Variants in YIPF4 observed in about 807,000 individuals in gnomAD.
YIPF4 encodes the protein protein YIPF4.
A neutral mutation model predicts 29.4 loss-of-function variants in YIPF4; 18 were observed. The observed-to-expected ratio is 0.61, with a 90% CI of 0.42 to 0.91. The LOEUF is 0.91. Ranked by LOEUF, YIPF4 falls within the 40% of genes least tolerant of loss-of-function variation. YIPF4 has a pLI of 0.00. For missense variants in YIPF4, 279 were observed against 282.7 expected, an observed-to-expected ratio of 0.99 and a Z score of 0.09; for synonymous variants, 115 against 104.7, an observed-to-expected ratio of 1.10 and a Z score of -0.60.
At chr2:32,286,163 T>G (rs2030660868) in intron 1 of YIPF4, among the ~76,000 whole-genome samples, 1 of 152,192 alleles carries the variant, frequency 6.6e-6, no homozygotes, top group African/African-American at 2.4e-5. Context: ...CATAGAACTA[T>G]AAACACATAT....
rs2031577945 is a variant in YIPF4, at chr2:32,306,236, CTTG to C, written c.*613_*615del. On this transcript the variant is annotated 3_prime_UTR_variant, in exon 6 of 6. Transcript: ENST00000238831. ...AATCTCACACATGCTTCGATACTTC[CTTG>C]TTAAGAATTCTTAATAACTACTAAA... 5.4e-6 allele frequency: 5 copies of C among 924,804 alleles called. No individual in the cohort carries two copies. Among genetic ancestry groups the C allele is most frequent in the Non-Finnish European group, 6.5e-6 (5 of 774,740 alleles). 57.3% of individuals were successfully genotyped at this position (924,804 alleles called of 1,614,324 possible).
chr2:32,284,331 C>G (rs2030561557), intron 1 of YIPF4, among the ~76,000 whole-genome samples: 1 of 152,042 alleles, frequency 6.6e-6, no homozygotes, highest in African/African-American at 2.4e-5. Flanking sequence ...GGAAAATTTG[C>G]TTAAGCGAGT....
intron 3 of YIPF4, among the ~76,000 whole-genome samples, chr2:32,296,833 G>A (rs2031205996): frequency 6.6e-6 from 1 of 152,088 alleles, no homozygotes. Context: ...ACTAATTTTA[G>A]CATCCATTGG....
Position 32,309,770 on chromosome 2 carries a change from CCT to C in YIPF4, c.*4147_*4148del, listed in dbSNP as rs1372810407. 1 of 148,980 alleles carries C rather than the reference CCT, an allele frequency of 6.7e-6. No homozygotes were observed. The highest frequency in any genetic ancestry group is 1.5e-5 in the Non-Finnish European group (1 of 67,730). 9.2% of individuals were successfully genotyped at this position (148,980 alleles called of 1,614,324 possible). A position where few individuals can be genotyped will look rare whatever the true frequency, so the allele number is the denominator to read the frequency against. On this transcript the variant is annotated 3_prime_UTR_variant, in exon 6 of 6. Coordinates refer to ENST00000238831, the MANE Select transcript of YIPF4 (RefSeq NM_032312.4). ...GTGGCGCAATCTCAGCTCACTGCAA[CCT>C]CTGATTCCTGGGTTCAAGCAATTCT...
chr2:32,310,817 A>C lies in YIPF4; in HGVS notation c.*5191A>C, dbSNP rs1454103002. On this transcript the variant is annotated 3_prime_UTR_variant, in exon 6 of 6. Coordinates refer to ENST00000238831, the MANE Select transcript of YIPF4 (RefSeq NM_032312.4). Reference sequence around the variant, plus strand: ...CTTGAGCCTGGGAGGTTGAGGCTGCAGTGAGCCGCGATCACACCACTGCAT... The same window carrying C: ...CTTGAGCCTGGGAGGTTGAGGCTGCCGTGAGCCGCGATCACACCACTGCAT... The C allele has an allele frequency of 1.3e-5, 2 of 152,142 alleles. No individual in the cohort carries two copies. The highest frequency in any genetic ancestry group is 2.4e-5 in the African/African-American group (1 of 41,428). 9.4% of individuals were successfully genotyped at this position (152,142 alleles called of 1,614,324 possible). A position where few individuals can be genotyped will look rare whatever the true frequency, so the allele number is the denominator to read the frequency against.
intron 1 of YIPF4, among the ~76,000 whole-genome samples, chr2:32,288,508 G>C (rs72798728): frequency 0.059 from 9,039 of 152,064 alleles, 436 homozygotes; most frequent in Admixed American, 0.14. Context: ...TCTTCTTCTT[G>C]TTAAGAAAAA....
intron 1 of YIPF4, among the ~76,000 whole-genome samples, chr2:32,281,146 A>G (rs1393589293): frequency 6.6e-6 from 1 of 152,186 alleles, no homozygotes; most frequent in Non-Finnish European, 1.5e-5. Flanking sequence ...CTGTATATCC[A>G]CGGAGCTATA....
chr2:32,286,690 C>A (rs909867697), intron 1 of YIPF4, among the ~76,000 whole-genome samples: 42 of 151,942 alleles, frequency 2.8e-4, no homozygotes, highest in Middle Eastern at 3.2e-3. Context: ...GGACTACAGG[C>A]GCACGCCACC....
rs1436377676 is a variant in YIPF4 at position 32,306,008 on chromosome 2, A to C, written c.*382A>C. 1 of 981,314 alleles carries C rather than the reference A, an allele frequency of 1.0e-6. No individual in the cohort carries two copies. Among genetic ancestry groups the C allele is most frequent in the African/African-American group, 1.8e-5 (1 of 57,034 alleles). The allele number at this position is 981,314 out of a possible 1,614,324, so 60.8% of individuals were successfully genotyped here. A position where few individuals can be genotyped will look rare whatever the true frequency, so the allele number is the denominator to read the frequency against. On this transcript the variant is annotated 3_prime_UTR_variant, in exon 6 of 6. Transcript: ENST00000238831. ...AATCAAAAGTGCAATTTTTTTCTTC[A>C]AAATGTTTTCTCCAGCATCACAGAT...
intron 5 of YIPF4, among the ~76,000 whole-genome samples, chr2:32,305,194 AC>A (rs2031532389): frequency 6.6e-6 from 1 of 152,186 alleles, no homozygotes; most frequent in African/African-American, 2.4e-5. Flanking sequence ...AGAAAAAGAA[AC>A]AATAAGTTAT....
chr2:32,291,459 G>T (rs1035633376), intron 2 of YIPF4, among the ~76,000 whole-genome samples: 1 of 152,162 alleles, frequency 6.6e-6, no homozygotes, highest in Non-Finnish European at 1.5e-5. Flanking sequence ...CATGAGAATC[G>T]CTTGAACCCA....
intron 3 of YIPF4, among the ~76,000 whole-genome samples, chr2:32,294,941 C>T (rs1039397969): frequency 6.6e-6 from 1 of 152,074 alleles, no homozygotes; most frequent in African/African-American, 2.4e-5. Context: ...GCGGCGTGCG[C>T]CTGCAATGGC....
Position 32,307,411 on chromosome 2 carries a change from G to C in YIPF4, c.*1785G>C, listed in dbSNP as rs1192804371. 2 of 172,324 alleles carry C rather than the reference G, an allele frequency of 1.2e-5. No individual in the cohort carries two copies. Among genetic ancestry groups the C allele is most frequent in the Admixed American group, 6.4e-5 (1 of 15,520 alleles). 10.7% of individuals were successfully genotyped at this position (172,324 alleles called of 1,614,324 possible). A position where few individuals can be genotyped will look rare whatever the true frequency, so the allele number is the denominator to read the frequency against. Reference sequence around the variant, plus strand: ...TTTTTAAAAACTATCATTGCTTTAAGGTATGAATTTTAAAAATCACTTATA... The same window carrying C: ...TTTTTAAAAACTATCATTGCTTTAACGTATGAATTTTAAAAATCACTTATA... On this transcript the variant is annotated 3_prime_UTR_variant, in exon 6 of 6. Transcript: ENST00000238831.
chr2:32,283,719 G>A (rs1228063696), intron 1 of YIPF4, among the ~76,000 whole-genome samples: 1 of 135,104 alleles, frequency 7.4e-6, no homozygotes, highest in Non-Finnish European at 1.7e-5. Context: ...TTTATCTCAT[G>A]TCTTTTTTTT....
At chr2:32,293,997 C>T (rs569516157) in intron 3 of YIPF4, among the ~76,000 whole-genome samples, 6 of 143,426 alleles carry the variant, frequency 4.2e-5, no homozygotes, top group Middle Eastern at 4.5e-3. Flanking sequence ...GGGGGCTGAT[C>T]CCCCCACCTC....
chr2:32,283,560 C>G (rs988005168), intron 1 of YIPF4, among the ~76,000 whole-genome samples: 13 of 152,280 alleles, frequency 8.5e-5, no homozygotes, highest in Admixed American at 7.8e-4. Flanking sequence ...AGACTGAACT[C>G]AAATGCTCTT....
Position 32,292,213 on chromosome 2 carries a change from C to G in YIPF4, c.270C>G (p.Tyr90Ter). ...ELDIDLKDIYYKIRCVLMPMP... is the reference protein window; with the variant it reads ...ELDIDLKDIY The stretch of plus-strand genomic sequence containing the variant: ...ACATTGATCTAAAGGATATTTACTA[C>G]AAAATCCGATGTGTTTTGATGCCAA... The change falls in exon 3 of 6, where the codon TAC becomes TAG. Residue 90 changes from tyrosine (Y) to a stop codon, truncating the protein, a stop_gained. Transcript: ENST00000238831. LOFTEE classifies it high-confidence loss of function. 1 of 1,587,030 alleles carries G rather than the reference C, an allele frequency of 6.3e-7. No homozygotes were observed. The highest frequency in any genetic ancestry group is 8.6e-7 in the Non-Finnish European group (1 of 1,168,378).
At position 32,305,608 on chromosome 2, in the gene YIPF4, G is replaced by A. The variant is rs747589001; in HGVS notation, c.717G>A (p.Ser239=). Reference sequence around the variant, plus strand: ...TTTTATTATACATTTATTTTTTGTCGTTATATACTGGTGTGTGATCCAAGT... The same window carrying A: ...TTTTATTATACATTTATTTTTTGTCATTATATACTGGTGTGTGATCCAAGT... ...PIFLLYIYFL[S]LYTGV is the part of the protein sequence containing the mutation. The change falls in exon 6 of 6, where the codon TCG becomes TCA. Residue 239 remains serine, a synonymous_variant. Transcript: ENST00000238831. 27 of 1,603,648 alleles carry A rather than the reference G, an allele frequency of 1.7e-5. No individual in the cohort carries two copies. The highest frequency in any genetic ancestry group is 4.0e-5 in the African/African-American group (3 of 74,314).
At chr2:32,292,862 C>CAA (rs1217481341) in intron 3 of YIPF4, among the ~76,000 whole-genome samples, 72 of 77,772 alleles carry the variant, frequency 9.3e-4, no homozygotes, top group East Asian at 3.4e-3. Context: ...GACTCCATCT[C>CAA]AAAAAAAAAA....
Sources: gnomAD v4.1 joint callset for allele counts (sites outside exome capture counted in the v4.1 genomes callset) on GRCh38, gnomAD v4.1.1 for gene constraint, MANE v1.5 for transcripts, NCBI Gene and HGNC (gene_info 2026-07-23, HGNC 2026-07-21) for gene names.